Variants in AGBL4 observed in about 807,000 individuals in gnomAD.
AGBL4 encodes the protein AGBL carboxypeptidase 4.
In AGBL4, 58 loss-of-function variants were observed where a neutral mutation model predicts 66.4. The ratio of observed to expected loss-of-function variants is 0.87; its 90% CI spans 0.71 to 1.09. The LOEUF is 1.09. Among genes scored for constraint, AGBL4 ranks in the 50% least tolerant of loss-of-function variants. AGBL4 has a pLI of 0.00. For missense variants in AGBL4, 579 were observed against 631.0 expected, an observed-to-expected ratio of 0.92 and a Z score of 0.88; for synonymous variants, 234 against 222.9, an observed-to-expected ratio of 1.05 and a Z score of -0.44.
chr1:49,674,126 G>A (rs1353542733), intron 3 of AGBL4, among the ~76,000 whole-genome samples: 1 of 152,098 alleles, frequency 6.6e-6, no homozygotes, highest in Non-Finnish European at 1.5e-5. Flanking sequence ...AAGCTCACTA[G>A]TGATCTATAA....
At chr1:49,250,792 C>G (rs1461261914) in intron 3 of AGBL4, among the ~76,000 whole-genome samples, 1 of 152,152 alleles carries the variant, frequency 6.6e-6, no homozygotes, top group East Asian at 1.9e-4. Flanking sequence ...GTCACCCACT[C>G]TCACTACCAG....
intron 1 of AGBL4, among the ~76,000 whole-genome samples, chr1:49,932,707 C>A (rs925238649): frequency 6.6e-6 from 1 of 152,054 alleles, no homozygotes; most frequent in African/African-American, 2.4e-5. Context: ...CTTTCCTCCC[C>A]ACAAACCCTC....
chr1:48,627,808 T>G (rs1570057210), intron 9 of AGBL4, among the ~76,000 whole-genome samples: 1 of 152,062 alleles, frequency 6.6e-6, no homozygotes, highest in South Asian at 2.1e-4. Context: ...AAATAGCAAC[T>G]TTGGGTTCTG....
intron 11 of AGBL4, among the ~76,000 whole-genome samples, chr1:48,540,784 C>T (rs1644054184): frequency 6.6e-6 from 1 of 152,110 alleles, no homozygotes; most frequent in African/African-American, 2.4e-5. Flanking sequence ...TGAATGTTTT[C>T]ACTTCTTTCC....
chr1:48,716,682 A>T (rs888555345), intron 6 of AGBL4, among the ~76,000 whole-genome samples: 2 of 152,288 alleles, frequency 1.3e-5, no homozygotes, highest in Admixed American at 1.3e-4. Context: ...ACCTGGGATA[A>T]GTTGTTTCTC....
intron 6 of AGBL4, among the ~76,000 whole-genome samples, chr1:48,850,286 CCT>C (rs1334159196): frequency 3.3e-5 from 5 of 152,138 alleles, no homozygotes; most frequent in Non-Finnish European, 7.3e-5. Flanking sequence ...GTGACTTAGC[CCT>C]GTTTGCAGCT....
chr1:49,345,932 A>G (rs1450247480), intron 3 of AGBL4, among the ~76,000 whole-genome samples: 2 of 152,168 alleles, frequency 1.3e-5, no homozygotes, highest in Admixed American at 1.3e-4. Flanking sequence ...GACTGCTTTA[A>G]GGAATCAAAG....
intron 6 of AGBL4, among the ~76,000 whole-genome samples, chr1:48,701,453 TTTTCC>T (rs1434695517): frequency 0.078 from 1,721 of 22,060 alleles, 38 homozygotes; most frequent in Middle Eastern, 0.12. Flanking sequence ...TTTCTTTTTC[TTTTCC>T]TTTTTTTTTC....
intron 3 of AGBL4, among the ~76,000 whole-genome samples, chr1:49,395,842 T>C (rs549809364): frequency 1.1e-3 from 95 of 82,776 alleles, no homozygotes; most frequent in East Asian, 3.7e-3. Context: ...TATATATATA[T>C]ATATATACAC....
intron 1 of AGBL4, among the ~76,000 whole-genome samples, chr1:49,963,951 A>T (rs1657337699): frequency 6.6e-6 from 1 of 152,124 alleles, no homozygotes; most frequent in Admixed American, 6.6e-5. Flanking sequence ...AGAAAAAAAA[A>T]CTCATATATC....
intron 3 of AGBL4, among the ~76,000 whole-genome samples, chr1:49,571,777 A>G (rs754842805): frequency 6.6e-6 from 1 of 152,130 alleles, no homozygotes; most frequent in Non-Finnish European, 1.5e-5. Context: ...GTTTTTAATC[A>G]TGAAGCATTG....
At chr1:49,434,702 G>GTGGTGC (rs1645863510) in intron 3 of AGBL4, among the ~76,000 whole-genome samples, 1 of 150,844 alleles carries the variant, frequency 6.6e-6, no homozygotes, top group South Asian at 2.1e-4. Context: ...GGTGGTGGTG[G>GTGGTGC]TGGTGCTGGT....
chr1:49,037,250 T>A (rs1305979808), intron 5 of AGBL4, among the ~76,000 whole-genome samples: 1 of 152,016 alleles, frequency 6.6e-6, no homozygotes, highest in Non-Finnish European at 1.5e-5. Flanking sequence ...TCATTCCTAT[T>A]ATTATATATG....
At chr1:49,181,650 A>G (rs1646932782) in intron 4 of AGBL4, among the ~76,000 whole-genome samples, 1 of 152,202 alleles carries the variant, frequency 6.6e-6, no homozygotes, top group Non-Finnish European at 1.5e-5. Context: ...TAGTGAACTC[A>G]TCCAAGTGTG....
chr1:49,445,820 C>T (rs1646142106), intron 3 of AGBL4, among the ~76,000 whole-genome samples: 1 of 151,710 alleles, frequency 6.6e-6, no homozygotes, highest in Admixed American at 6.6e-5. Flanking sequence ...TCTCACTTAC[C>T]TTCTTTAAAA....
intron 6 of AGBL4, among the ~76,000 whole-genome samples, chr1:48,668,926 G>T (rs1224184817): frequency 1.3e-5 from 2 of 152,226 alleles, no homozygotes; most frequent in Non-Finnish European, 2.9e-5. Context: ...AGCACTAAAT[G>T]CATTTGGGTA....
At chr1:49,176,572 T>C (rs984196510) in intron 4 of AGBL4, among the ~76,000 whole-genome samples, 4 of 152,172 alleles carry the variant, frequency 2.6e-5, no homozygotes, top group African/African-American at 9.7e-5. Context: ...AATCCTGAAG[T>C]AATGATTTGA....
At chr1:48,689,324 C>T (rs1646587192) in intron 6 of AGBL4, among the ~76,000 whole-genome samples, 1 of 151,970 alleles carries the variant, frequency 6.6e-6, no homozygotes, top group Non-Finnish European at 1.5e-5. Context: ...TGGGCCCAGA[C>T]AGCTGCAACA....
Position 48,794,806 on chromosome 1 carries a change from C to A in AGBL4, c.634+72385G>T, listed in dbSNP as rs75760242. 7.9e-4 allele frequency among the ~76,000 whole-genome samples: 121 copies of A among 152,290 alleles called. 5 individuals carry two copies. The East Asian group carries it at 0.019, about 25-fold the overall frequency. On this transcript the variant is annotated intron_variant, in intron 6 of 13. Coordinates refer to ENST00000371839, the MANE Select transcript of AGBL4 (RefSeq NM_032785.4). ...CTTTTTCATTCTGTGTATGAACACACCTAGTGCAGACTTCTATTCTGAACT... is the reference window on the plus strand; with the variant it reads ...CTTTTTCATTCTGTGTATGAACACAACTAGTGCAGACTTCTATTCTGAACT...
Sources: gnomAD v4.1 joint callset for allele counts (sites outside exome capture counted in the v4.1 genomes callset) on GRCh38, gnomAD v4.1.1 for gene constraint, MANE v1.5 for transcripts, NCBI Gene and HGNC (gene_info 2026-07-23, HGNC 2026-07-21) for gene names.